The following SLIT3 variants were observed in gnomAD, a reference collection of about 807,000 sequenced individuals.
SLIT3 encodes the protein slit homolog 3 protein.
Under a neutral mutation model 184.0 loss-of-function variants are expected in SLIT3, and 68 were observed. The ratio of observed to expected loss-of-function variants is 0.37; its 90% confidence interval spans 0.30 to 0.45. The LOEUF (loss-of-function observed/expected upper bound fraction) is 0.45. SLIT3 is among the 20% of genes least tolerant of loss of function. The pLI, the probability that SLIT3 is intolerant of heterozygous loss-of-function variation, is 1.00. For synonymous variants in SLIT3, 831 were observed against 828.6 expected (o/e 1.00, Z -0.05); for missense variants, 1,707 against 2,026.0 (o/e 0.84, Z 3.02).
chr5:169,138,723 C>G lies in SLIT3; in HGVS notation c.413+54756G>C, dbSNP rs566799498. On this transcript the variant is annotated intron_variant, in intron 4 of 35. Coordinates refer to ENST00000519560, the MANE Select transcript of SLIT3 (RefSeq NM_003062.4). ...CTTGCGTGTTCTCCCCTCTGTGGTT[C>G]CACTCGTGCTATCTCATGCCCCCAC... is the stretch of plus-strand genomic sequence containing the variant. Among the ~76,000 whole-genome samples, 18 of 152,326 alleles carry G rather than the reference C, an allele frequency of 1.2e-4. No individual in the cohort carries two copies. In the East Asian group the frequency reaches 3.5e-3, roughly 29 times the overall value.
At chr5:169,232,553 C>T (rs1401585798) in intron 3 of SLIT3, among the ~76,000 whole-genome samples, 13 of 152,130 alleles carry the variant, frequency 8.5e-5, no homozygotes, top group Non-Finnish European at 1.3e-4. Context: ...CTAGAAGTGT[C>T]TTTATCTTTC....
chr5:168,855,883 C>A (rs968074453), intron 5 of SLIT3, among the ~76,000 whole-genome samples: 3 of 151,930 alleles, frequency 2.0e-5, no homozygotes, highest in Admixed American at 2.0e-4. Flanking sequence ...CCAAGGCGGG[C>A]GGATCATGAG....
At chr5:168,680,591 C>T (rs898534966) in intron 32 of SLIT3, among the ~76,000 whole-genome samples, 1 of 151,678 alleles carries the variant, frequency 6.6e-6, no homozygotes, top group African/African-American at 2.4e-5. Flanking sequence ...AGGTGGCCTT[C>T]CTGGGTGGCT....
intron 4 of SLIT3, among the ~76,000 whole-genome samples, chr5:168,947,201 A>T (rs1275837129): frequency 6.6e-6 from 1 of 152,238 alleles, no homozygotes; most frequent in Non-Finnish European, 1.5e-5. Context: ...GGCAATATAA[A>T]CTAAAAGGCT....
intron 4 of SLIT3, among the ~76,000 whole-genome samples, chr5:169,190,401 T>G (rs1361480780): frequency 6.6e-6 from 1 of 152,222 alleles, no homozygotes. Context: ...CTGAAGCCAT[T>G]CATAACTACC....
At chr5:169,108,111 C>G (rs1452594114) in intron 4 of SLIT3, among the ~76,000 whole-genome samples, 2 of 152,222 alleles carry the variant, frequency 1.3e-5, no homozygotes, top group African/African-American at 4.8e-5. Flanking sequence ...CCCAAGGCAT[C>G]TGATACAGGT....
At chr5:169,191,696 C>T (rs889862754) in intron 4 of SLIT3, among the ~76,000 whole-genome samples, 4 of 152,160 alleles carry the variant, frequency 2.6e-5, no homozygotes, top group African/African-American at 9.7e-5. Context: ...CTCATAGGTT[C>T]CCCATGCCCA....
In SLIT3 at chr5:168,692,690, G is replaced by A. The variant is rs775114129; in HGVS notation, c.3093C>T (p.Cys1031=). The stretch of plus-strand genomic sequence containing the variant: ...GCACACAGTGGTCAATCACCTCGTC[G>A]CATAGCTCACCTGGCACAGATGGGG... ...ICPPNYTGEL[C]DEVIDHCVPE... Residue 1031 remains cysteine, a synonymous_variant, in exon 29 of 36, where the codon TGC becomes TGT. Coordinates refer to ENST00000519560, the MANE Select transcript of SLIT3 (RefSeq NM_003062.4). 29 of 1,613,330 alleles carry A rather than the reference G, an allele frequency of 1.8e-5. No individual in the cohort carries two copies. Among genetic ancestry groups the A allele is most frequent in the African/African-American group, 4.0e-5 (3 of 74,908 alleles).
chr5:168,961,155 A>G (rs1215364727), intron 4 of SLIT3, among the ~76,000 whole-genome samples: 2 of 152,208 alleles, frequency 1.3e-5, no homozygotes, highest in East Asian at 1.9e-4. Context: ...ATATCCAGTG[A>G]GAGACCACTG....
At chr5:169,001,270 C>T (rs1365649761) in intron 4 of SLIT3, among the ~76,000 whole-genome samples, 1 of 152,164 alleles carries the variant, frequency 6.6e-6, no homozygotes, top group Non-Finnish European at 1.5e-5. Context: ...GTCTTGTCTG[C>T]CTTATCCTGA....
At chr5:169,185,412 G>A (rs1388093214) in intron 4 of SLIT3, among the ~76,000 whole-genome samples, 1 of 152,160 alleles carries the variant, frequency 6.6e-6, no homozygotes, top group Non-Finnish European at 1.5e-5. Context: ...AAGGGAGCAG[G>A]TCTCCGCATC....
chr5:168,713,353 G>A (rs577051011), intron 23 of SLIT3, among the ~76,000 whole-genome samples: 35 of 152,328 alleles, frequency 2.3e-4, no homozygotes, highest in African/African-American at 7.9e-4. Flanking sequence ...ATGCCTGGAG[G>A]ATAGGTGCAT....
At chr5:169,078,173 G>C (rs114669998) in intron 4 of SLIT3, among the ~76,000 whole-genome samples, 198 of 152,236 alleles carry the variant, frequency 1.3e-3, no homozygotes, top group Middle Eastern at 0.01. Context: ...CAACACATCA[G>C]GTTACAAATA....
chr5:168,846,687 G>A (rs1758485322), intron 5 of SLIT3, among the ~76,000 whole-genome samples: 1 of 152,242 alleles, frequency 6.6e-6, no homozygotes, highest in Admixed American at 6.5e-5. Context: ...TGGGAAGTCT[G>A]GGGTGTGTAG....
intron 4 of SLIT3, among the ~76,000 whole-genome samples, chr5:169,124,125 C>T (rs575124181): frequency 1.3e-5 from 2 of 152,180 alleles, no homozygotes; most frequent in South Asian, 2.1e-4. Flanking sequence ...TAAAGGGCCC[C>T]CTTTTTTCTT....
intron 3 of SLIT3, among the ~76,000 whole-genome samples, chr5:169,236,006 C>T (rs1765186365): frequency 6.6e-6 from 1 of 152,156 alleles, no homozygotes; most frequent in South Asian, 2.1e-4. Context: ...GTGAAGTCCA[C>T]ATTTAAGGAA....
intron 5 of SLIT3, among the ~76,000 whole-genome samples, chr5:168,859,246 T>C (rs747602801): frequency 1.3e-5 from 2 of 152,124 alleles, no homozygotes; most frequent in Non-Finnish European, 2.9e-5. Flanking sequence ...CCCAGAATTG[T>C]CTCTGTACAA....
intron 4 of SLIT3, among the ~76,000 whole-genome samples, chr5:168,901,362 T>TCAAAACAAAACAAAA (rs142953631): frequency 0.1 from 15,473 of 148,748 alleles, 1,070 homozygotes; most frequent in East Asian, 0.31. Context: ...AGACTCCGTC[T>TCAAAACAAAACAAAA]CAAAACAAAA....
intron 4 of SLIT3, among the ~76,000 whole-genome samples, chr5:169,005,238 T>C (rs962957305): frequency 6.6e-6 from 1 of 152,226 alleles, no homozygotes; most frequent in African/African-American, 2.4e-5. Context: ...ATTGCGATAC[T>C]CACTTTGTTT....
Sources: gnomAD v4.1 joint callset for allele counts (sites outside exome capture counted in the v4.1 genomes callset) on GRCh38, gnomAD v4.1.1 for gene constraint, MANE v1.5 for transcripts, NCBI Gene and HGNC (gene_info 2026-07-23, HGNC 2026-07-21) for gene names.